The following ACER3 variants were observed in gnomAD, a reference collection of about 807,000 sequenced individuals.
The protein encoded by ACER3 is alkaline ceramidase 3, also known as alkCDase 3.
ACER3 carries 16 observed loss-of-function variants against 48.9 expected under a neutral mutation model. The observed-to-expected ratio is 0.33, with a 90% CI of 0.22 to 0.50. The LOEUF (loss-of-function observed/expected upper bound fraction) is 0.50, where lower values mean the gene tolerates loss of function less well. ACER3 is among the 20% of genes least tolerant of loss of function. The pLI is 0.98. For missense variants in ACER3, 227 were observed against 326.0 expected, an observed-to-expected ratio of 0.70 and a Z score of 2.34; for synonymous variants, 109 against 107.8, an observed-to-expected ratio of 1.01 and a Z score of -0.07.
At chr11:77,013,536 T>C (rs1013177127) in intron 7 of ACER3, among the ~76,000 whole-genome samples, 4 of 152,098 alleles carry the variant, frequency 2.6e-5, no homozygotes. Flanking sequence ...TACCACTACA[T>C]ACCTACTAAA....
chr11:76,910,910 A>G (rs1156386192), intron 1 of ACER3, among the ~76,000 whole-genome samples: 1 of 152,202 alleles, frequency 6.6e-6, no homozygotes, highest in African/African-American at 2.4e-5. Context: ...TCGAAATTGT[A>G]TTTTCAAAGA....
At chr11:76,950,240 G>A (rs901291281) in intron 2 of ACER3, among the ~76,000 whole-genome samples, 1 of 147,434 alleles carries the variant, frequency 6.8e-6, no homozygotes, top group African/African-American at 2.4e-5. Context: ...GGAGAGATTT[G>A]GGCAGGAGCC....
intron 1 of ACER3, among the ~76,000 whole-genome samples, chr11:76,894,019 G>A (rs114458951): frequency 0.017 from 2,604 of 152,218 alleles, 65 homozygotes; most frequent in African/African-American, 0.058. Context: ...AGCCAGGCAC[G>A]GTGGCTCATG....
At chr11:76,902,244 A>G (rs1258912654) in intron 1 of ACER3, among the ~76,000 whole-genome samples, 1 of 152,184 alleles carries the variant, frequency 6.6e-6, no homozygotes, top group Middle Eastern at 3.2e-3. Flanking sequence ...CTATGCTGGC[A>G]TTAAATCTCC....
rs1239908305 is a variant in ACER3, at chr11:76,989,031, G to A, written c.403-1508G>A. Among the ~76,000 whole-genome samples the A allele has an allele frequency of 3.4e-5, 3 of 89,046 alleles. No homozygotes were observed. In the South Asian group the frequency reaches 1.2e-3, roughly 36 times the overall value. The allele number at this position is 89,046 out of a possible 152,430, so 58.4% of individuals were successfully genotyped here. A position where few individuals can be genotyped will look rare whatever the true frequency, so the allele number is the denominator to read the frequency against. ...CATAGGAAGGACTCCATAATTATTT[G>A]CTTTAAAAAATGTCTTTAAGAGATA... On this transcript the variant is annotated intron_variant, in intron 5 of 10. Transcript: ENST00000532485.
intron 1 of ACER3, among the ~76,000 whole-genome samples, chr11:76,882,438 T>C (rs999099168): frequency 3.9e-5 from 6 of 152,218 alleles, no homozygotes; most frequent in Non-Finnish European, 8.8e-5. Flanking sequence ...ATTTCAGATA[T>C]TGTATTTTCA....
At chr11:76,893,224 G>C (rs151040248) in intron 1 of ACER3, among the ~76,000 whole-genome samples, 128 of 152,206 alleles carry the variant, frequency 8.4e-4, no homozygotes, top group African/African-American at 2.8e-3. Context: ...GACAGTACTA[G>C]CTGGGCATAG....
At chr11:76,955,221 G>T (rs1160541852) in intron 2 of ACER3, among the ~76,000 whole-genome samples, 4 of 152,070 alleles carry the variant, frequency 2.6e-5, no homozygotes, top group Non-Finnish European at 5.9e-5. Context: ...ACTAAACCAT[G>T]TGACCCAGAA....
intron 6 of ACER3, among the ~76,000 whole-genome samples, chr11:76,996,336 G>A (rs1170474759): frequency 6.6e-6 from 1 of 152,016 alleles, no homozygotes; most frequent in East Asian, 1.9e-4. Context: ...GCACAACAGG[G>A]ACATCTTTCT....
intron 1 of ACER3, among the ~76,000 whole-genome samples, chr11:76,885,807 G>A (rs919926985): frequency 3.9e-5 from 6 of 152,126 alleles, no homozygotes; most frequent in Admixed American, 2.0e-4. Context: ...TATGGAAGGT[G>A]CACTCCTTTG....
At position 76,914,260 on chromosome 11, in the gene ACER3, C is replaced by A. The variant is rs570231576; in HGVS notation, c.104-12297C>A. 3.7e-4 allele frequency among the ~76,000 whole-genome samples: 57 copies of A among 152,234 alleles called. No individual in the cohort carries two copies. In the South Asian group the frequency reaches 0.011, roughly 29 times the overall value. On this transcript the variant is annotated intron_variant, in intron 1 of 10. Coordinates refer to ENST00000532485, the MANE Select transcript of ACER3 (RefSeq NM_018367.7). Reference sequence around the variant, plus strand: ...AGAAACTATCATCAGAGTGAACAGGCAACCTACAGAATGGGAGAAAATTTT... The same window carrying A: ...AGAAACTATCATCAGAGTGAACAGGAAACCTACAGAATGGGAGAAAATTTT...
chr11:76,870,042 C>T (rs776277221), intron 1 of ACER3, among the ~76,000 whole-genome samples: 13 of 149,340 alleles, frequency 8.7e-5, no homozygotes, highest in South Asian at 2.1e-4. Flanking sequence ...TTTTATTTTC[C>T]GTAGAGATGA....
At chr11:76,977,116 A>G (rs1331023691) in intron 4 of ACER3, among the ~76,000 whole-genome samples, 6 of 152,226 alleles carry the variant, frequency 3.9e-5, no homozygotes, top group East Asian at 1.9e-4. Flanking sequence ...TTTTATAGAC[A>G]AGGAAGTAAA....
intron 7 of ACER3, among the ~76,000 whole-genome samples, chr11:77,003,822 A>G (rs1949081555): frequency 6.6e-6 from 1 of 152,152 alleles, no homozygotes; most frequent in Admixed American, 6.6e-5. Context: ...ATTTAGGTGT[A>G]TGTTGTTTCA....
At chr11:76,894,462 A>C (rs1945882194) in intron 1 of ACER3, among the ~76,000 whole-genome samples, 1 of 152,226 alleles carries the variant, frequency 6.6e-6, no homozygotes, top group African/African-American at 2.4e-5. Flanking sequence ...TAGTATAATT[A>C]ATATGCTTAG....
At chr11:76,986,434 A>G (rs1287516476) in intron 5 of ACER3, among the ~76,000 whole-genome samples, 3 of 152,248 alleles carry the variant, frequency 2.0e-5, no homozygotes, top group Non-Finnish European at 4.4e-5. Flanking sequence ...CACTTGCACT[A>G]GAATTTAACT....
chr11:76,917,122 T>C (rs943709491), intron 1 of ACER3, among the ~76,000 whole-genome samples: 1 of 152,156 alleles, frequency 6.6e-6, no homozygotes, highest in Non-Finnish European at 1.5e-5. Flanking sequence ...CAATGATCAT[T>C]ACAAGCTCTG....
In ACER3 at chr11:77,005,991, A is replaced by ATACATATATATATT. The variant is rs1388727709; in HGVS notation, c.497+7171_497+7172insACATATATATATTT. ...TATATACATATATATATATATATAT[A>ATACATATATATATT]TTTTTTTTTTTTTTTGAGCCAGAGT... On this transcript the variant is annotated intron_variant, in intron 7 of 10. Coordinates refer to ENST00000532485, the MANE Select transcript of ACER3 (RefSeq NM_018367.7). Among the ~76,000 whole-genome samples the ATACATATATATATT allele has an allele frequency of 6.9e-5, 7 of 100,870 alleles. No individual in the cohort carries two copies. In the East Asian group the frequency reaches 1.3e-3, roughly 18 times the overall value. The allele number at this position is 100,870 out of a possible 152,430, so 66.2% of individuals were successfully genotyped here. A position where few individuals can be genotyped will look rare whatever the true frequency, so the allele number is the denominator to read the frequency against.
At chr11:76,997,038 A>C (rs1948928626) in intron 6 of ACER3, among the ~76,000 whole-genome samples, 1 of 152,136 alleles carries the variant, frequency 6.6e-6, no homozygotes, top group Admixed American at 6.6e-5. Context: ...TGTTACTGTT[A>C]TATGAAGTCC....
Sources: gnomAD v4.1 joint callset for allele counts (sites outside exome capture counted in the v4.1 genomes callset) on GRCh38, gnomAD v4.1.1 for gene constraint, MANE v1.5 for transcripts, NCBI Gene and HGNC (gene_info 2026-07-23, HGNC 2026-07-21) for gene names.